OTUD3: variants seen among roughly 807,000 people sequenced by gnomAD.
OTUD3 encodes OTU deubiquitinase 3.
OTUD3 carries 24 observed loss-of-function variants against 46.2 expected under a neutral mutation model. The observed-to-expected ratio is 0.52, with a 90% confidence interval of 0.38 to 0.73. The LOEUF (loss-of-function observed/expected upper bound fraction) is 0.73. Ranked by LOEUF, OTUD3 falls within the 30% of genes least tolerant of loss-of-function variation. OTUD3 has a pLI of 0.00. For synonymous variants in OTUD3, 189 were observed against 195.4 expected (o/e 0.97, Z 0.27); for missense variants, 455 against 523.3 (o/e 0.87, Z 1.27).
rs1248522687 is a variant in OTUD3, at chr1:19,909,217, A to C, written c.*1471A>C. On this transcript the variant is annotated 3_prime_UTR_variant, in exon 8 of 8. Transcript: ENST00000375120. Reference sequence around the variant, plus strand: ...ATGTTTGGTAGGCCCTGGAGTCGCCAGATTGTCTTTATCACCAGGCCTTTG... The same window carrying C: ...ATGTTTGGTAGGCCCTGGAGTCGCCCGATTGTCTTTATCACCAGGCCTTTG... 6.6e-6 allele frequency: 1 copy of C among 152,278 alleles called. No individual in the cohort carries two copies. Among genetic ancestry groups the C allele is most frequent in the Non-Finnish European group, 1.5e-5 (1 of 68,024 alleles). 9.4% of individuals were successfully genotyped at this position (152,278 alleles called of 1,614,324 possible).
intron 2 of OTUD3, 149 bp from the exon 3 acceptor site, chr1:19,894,219 C>A: frequency 1.9e-6 from 1 of 533,302 alleles, no homozygotes; most frequent in Non-Finnish European, 3.3e-6. Context: ...GTTCAACTAG[C>A]TAAATTCCTA....
intron 1 of OTUD3, among the ~76,000 whole-genome samples, chr1:19,889,915 T>G (rs2045423917): frequency 6.6e-6 from 1 of 152,212 alleles, no homozygotes; most frequent in South Asian, 2.1e-4. Context: ...TGCTATTTTT[T>G]GGGTACTATT....
At position 19,907,945 on chromosome 1, in the gene OTUD3, A is replaced by G. The variant is rs2045686314; in HGVS notation, c.*199A>G. The G allele has an allele frequency of 2.0e-6, 1 of 501,682 alleles. No individual in the cohort carries two copies. Among genetic ancestry groups the G allele is most frequent in the East Asian group, 3.1e-5 (1 of 32,278 alleles). 31.1% of individuals were successfully genotyped at this position (501,682 alleles called of 1,614,324 possible). On this transcript the variant is annotated 3_prime_UTR_variant, in exon 8 of 8. Transcript: ENST00000375120. The stretch of plus-strand genomic sequence containing the variant: ...TTAGTGATATGTTGGTGTTTTATGA[A>G]AATGCAGTGAGGCCATTCATATTCT...
chr1:19,904,408 T>C lies in OTUD3; in HGVS notation c.738+10T>C, dbSNP rs1460422968. On this transcript the variant is annotated intron_variant, in intron 5 of 7. Coordinates refer to ENST00000375120, the MANE Select transcript of OTUD3 (RefSeq NM_015207.2). Reference sequence around the variant, plus strand: ...TGCAACTGGATGTTCAGTTAGTATTTCTGTCTTGCAGGAATGATTTAGAAG... The same window carrying C: ...TGCAACTGGATGTTCAGTTAGTATTCCTGTCTTGCAGGAATGATTTAGAAG... The C allele has an allele frequency of 6.2e-7, 1 of 1,604,656 alleles. No homozygotes were observed. The highest frequency in any genetic ancestry group is 2.2e-5 in the East Asian group (1 of 44,780).
intron 3 of OTUD3, among the ~76,000 whole-genome samples, chr1:19,895,593 A>G (rs749585458): frequency 6.6e-6 from 1 of 152,232 alleles, no homozygotes; most frequent in Non-Finnish European, 1.5e-5. Context: ...AAGATAGTGC[A>G]GGGATGGTGA....
At chr1:19,903,795 C>T (rs2045622602) in intron 4 of OTUD3, among the ~76,000 whole-genome samples, 1 of 152,146 alleles carries the variant, frequency 6.6e-6, no homozygotes, top group Non-Finnish European at 1.5e-5. Context: ...GGGACGGGAG[C>T]TTCAGTACCT....
intron 4 of OTUD3, among the ~76,000 whole-genome samples, chr1:19,902,107 T>C (rs1338531206): frequency 6.6e-6 from 1 of 152,248 alleles, no homozygotes; most frequent in Non-Finnish European, 1.5e-5. Flanking sequence ...CCACAGCAGC[T>C]GCACTGTTTT....
Position 19,912,329 on chromosome 1 carries a change from A to G in OTUD3, c.*4583A>G, listed in dbSNP as rs2045743828. The G allele has an allele frequency of 6.6e-6, 1 of 152,368 alleles. No homozygotes were observed. The highest frequency in any genetic ancestry group is 2.4e-5 in the African/African-American group (1 of 41,454). 9.4% of individuals were successfully genotyped at this position (152,368 alleles called of 1,614,324 possible). On this transcript the variant is annotated 3_prime_UTR_variant, in exon 8 of 8. Transcript: ENST00000375120. ...TTGATCCCTGGCAGGTCCCTCGAGC[A>G]GTACTGGTAAGAGGCTTCACACATT...
intron 1 of OTUD3, among the ~76,000 whole-genome samples, chr1:19,884,457 G>A (rs1179443898): frequency 6.6e-6 from 1 of 152,176 alleles, no homozygotes; most frequent in African/African-American, 2.4e-5. Context: ...GGAATATGTT[G>A]ATGACTAAGA....
intron 1 of OTUD3, among the ~76,000 whole-genome samples, chr1:19,883,411 G>A (rs1286470411): frequency 6.6e-6 from 1 of 152,144 alleles, no homozygotes; most frequent in Non-Finnish European, 1.5e-5. Context: ...AGGGGATATG[G>A]CTCCAGGAAC....
intron 1 of OTUD3, among the ~76,000 whole-genome samples, chr1:19,885,045 C>T (rs1023353587): frequency 2.0e-5 from 3 of 152,088 alleles, no homozygotes; most frequent in Non-Finnish European, 4.4e-5. Context: ...AATAGGAGTA[C>T]ACCAAGAGAA....
intron 4 of OTUD3, 189 bp downstream of exon 4, chr1:19,897,851 T>G: frequency 4.1e-6 from 2 of 492,828 alleles, no homozygotes; most frequent in Non-Finnish European, 6.9e-6. Flanking sequence ...TGCTTATTAT[T>G]ATTTTGCTTT....
At chr1:19,905,689 T>TA (rs1212561844) in intron 6 of OTUD3, among the ~76,000 whole-genome samples, 1 of 152,114 alleles carries the variant, frequency 6.6e-6, no homozygotes, top group African/African-American at 2.4e-5. Flanking sequence ...TACAGTGAGC[T>TA]AAGATCGCAC....
intron 2 of OTUD3, among the ~76,000 whole-genome samples, chr1:19,891,887 T>C (rs1205699720): frequency 2.6e-5 from 4 of 152,264 alleles, no homozygotes; most frequent in African/African-American, 9.6e-5. Context: ...ATGCATAGTT[T>C]ACTGGATAGT....
intron 3 of OTUD3, 117 bp from the exon 4 acceptor site, chr1:19,897,423 A>G (rs1024131427): frequency 3.1e-6 from 3 of 975,556 alleles, no homozygotes; most frequent in Non-Finnish European, 4.6e-6. Context: ...GTGTGTTCCC[A>G]ATTAGTGTCT....
At chr1:19,895,554 C>CT (rs146486720) in intron 3 of OTUD3, among the ~76,000 whole-genome samples, 2 of 152,242 alleles carry the variant, frequency 1.3e-5, no homozygotes, top group Non-Finnish European at 2.9e-5. Context: ...GCACAGTGTC[C>CT]TTTTAACAAA....
At chr1:19,903,879 C>T (rs2045623185) in intron 4 of OTUD3, among the ~76,000 whole-genome samples, 1 of 152,192 alleles carries the variant, frequency 6.6e-6, no homozygotes, top group South Asian at 2.1e-4. Context: ...AAGACCAGCA[C>T]CGTTTTTGTG....
At chr1:19,897,018 G>A (rs146562082) in intron 3 of OTUD3, among the ~76,000 whole-genome samples, 5 of 152,336 alleles carry the variant, frequency 3.3e-5, no homozygotes, top group Non-Finnish European at 7.3e-5. Flanking sequence ...TCGTTTTAAC[G>A]AAAGGGGTGG....
Position 19,904,908 on chromosome 1 carries a change from C to A in OTUD3, c.756C>A (p.Val252=). ...TTGGATAGGATTTTAATTTAATAGT[C>A]CAGAACCTGGAAGCTGAAAATTATA... ...ATGCSDFNLI[V]QNLEAENYNI... is the part of the protein sequence containing the mutation. The change falls in exon 6 of 8, where the codon GTC becomes GTA. Residue 252 remains valine, a synonymous_variant. Coordinates refer to ENST00000375120, the MANE Select transcript of OTUD3 (RefSeq NM_015207.2). 6.4e-7 allele frequency: 1 copy of A among 1,569,486 alleles called. No individual in the cohort carries two copies. The highest frequency in any genetic ancestry group is 1.1e-5 in the South Asian group (1 of 88,902).
Sources: gnomAD v4.1 joint callset for allele counts (sites outside exome capture counted in the v4.1 genomes callset) on GRCh38, gnomAD v4.1.1 for gene constraint, MANE v1.5 for transcripts, NCBI Gene and HGNC (gene_info 2026-07-23, HGNC 2026-07-21) for gene names.